The following SHOC2 variants were observed in gnomAD, a reference collection of about 807,000 sequenced individuals.
The protein encoded by SHOC2 is SHOC2 leucine rich repeat scaffold protein.
SHOC2 carries 4 observed loss-of-function variants against 50.2 expected under a neutral mutation model. That is an observed-to-expected ratio of 0.08 (90% CI 0.04 to 0.18). The LOEUF is 0.18. Among genes scored for constraint, SHOC2 ranks in the 10% least tolerant of loss-of-function variants. The pLI, the probability that SHOC2 is intolerant of heterozygous loss-of-function variation, is 1.00. For synonymous variants in SHOC2, 218 were observed against 244.5 expected (o/e 0.89, Z 1.01); for missense variants, 388 against 669.6 (o/e 0.58, Z 4.64).
intron 2 of SHOC2, among the ~76,000 whole-genome samples, chr10:110,977,747 T>G (rs1847903338): frequency 6.6e-6 from 1 of 152,204 alleles, no homozygotes; most frequent in Non-Finnish European, 1.5e-5. Context: ...TACATCTAAT[T>G]TAACCCCACT....
intron 3 of SHOC2, among the ~76,000 whole-genome samples, chr10:110,992,875 C>G (rs781720037): frequency 8.5e-5 from 13 of 152,096 alleles, no homozygotes; most frequent in Non-Finnish European, 1.8e-4. Context: ...ACATTTCATC[C>G]TTCCAACCCT....
chr10:110,980,643 C>T (rs1280393690), intron 2 of SHOC2, among the ~76,000 whole-genome samples: 1 of 152,138 alleles, frequency 6.6e-6, no homozygotes, highest in Non-Finnish European at 1.5e-5. Context: ...TGGTTTGCTT[C>T]AAAACTTTAA....
intron 2 of SHOC2, among the ~76,000 whole-genome samples, chr10:110,974,066 C>T (rs745982821): frequency 4.0e-5 from 6 of 151,718 alleles, no homozygotes; most frequent in South Asian, 2.1e-4. Context: ...GGGTTTAATA[C>T]GCTTTTCTTT....
At position 110,952,775 on chromosome 10, in the gene SHOC2, A is replaced by G. The variant is rs564409636; in HGVS notation, c.-234-11350A>G. ...TTCCCCTCCGTGTCCATGGGTTCTC[A>G]TTGTTCAATTCCCACTTATGAGTGA... On this transcript the variant is annotated intron_variant, in intron 1 of 8. Transcript: ENST00000369452. Among the ~76,000 whole-genome samples the G allele has an allele frequency of 3.3e-5, 5 of 152,090 alleles. No individual in the cohort carries two copies. The South Asian group carries it at 1.0e-3, about 32-fold the overall frequency.
chr10:110,938,537 C>T (rs1847075273), intron 1 of SHOC2, among the ~76,000 whole-genome samples: 1 of 152,028 alleles, frequency 6.6e-6, no homozygotes, highest in Non-Finnish European at 1.5e-5. Context: ...AATAAGTGTA[C>T]TTTGAGCAGT....
intron 1 of SHOC2, among the ~76,000 whole-genome samples, chr10:110,960,868 C>A (rs555366553): frequency 6.6e-6 from 1 of 151,766 alleles, no homozygotes; most frequent in Admixed American, 6.6e-5. Flanking sequence ...GTAGAGATGG[C>A]GTTTCACCAT....
chr10:110,987,968 A>G (rs1392901720), intron 3 of SHOC2, among the ~76,000 whole-genome samples: 1 of 152,160 alleles, frequency 6.6e-6, no homozygotes, highest in African/African-American at 2.4e-5. Flanking sequence ...GTGAAAAGTT[A>G]AAAAGTCATG....
chr10:110,919,707 G>A (rs1035504339), intron 1 of SHOC2, 50 bp downstream of exon 1: 9 of 397,686 alleles, frequency 2.3e-5, no homozygotes, highest in Non-Finnish European at 3.5e-5. Flanking sequence ...GGTTCTTCCT[G>A]CCTGCCTTCC....
intron 1 of SHOC2, among the ~76,000 whole-genome samples, chr10:110,948,713 C>G (rs768722089): frequency 6.6e-6 from 1 of 152,068 alleles, no homozygotes; most frequent in Non-Finnish European, 1.5e-5. Context: ...GCAAAACTTA[C>G]GTGAAGCAGC....
At chr10:111,011,244 A>G (rs1198695477) in intron 8 of SHOC2, among the ~76,000 whole-genome samples, 1 of 152,198 alleles carries the variant, frequency 6.6e-6, no homozygotes, top group Non-Finnish European at 1.5e-5. Flanking sequence ...TCACCTTTGG[A>G]GTTTTAAAAT....
At chr10:110,978,163 T>G (rs1221487800) in intron 2 of SHOC2, among the ~76,000 whole-genome samples, 2 of 152,246 alleles carry the variant, frequency 1.3e-5, no homozygotes, top group Admixed American at 1.3e-4. Flanking sequence ...ATCATGGGAC[T>G]TCTGTTGTTT....
intron 4 of SHOC2, among the ~76,000 whole-genome samples, chr10:111,003,927 T>C (rs965226730): frequency 1.3e-5 from 2 of 152,208 alleles, no homozygotes; most frequent in Non-Finnish European, 2.9e-5. Context: ...GCAGAGATTC[T>C]TTGGTAATAC....
chr10:110,962,873 A>G (rs1847598301), intron 1 of SHOC2, among the ~76,000 whole-genome samples: 1 of 152,214 alleles, frequency 6.6e-6, no homozygotes. Flanking sequence ...GCTATAGCAT[A>G]TGCCACTTGC....
intron 2 of SHOC2, among the ~76,000 whole-genome samples, chr10:110,970,550 A>C (rs1398478006): frequency 6.6e-6 from 1 of 152,122 alleles, no homozygotes; most frequent in African/African-American, 2.4e-5. Flanking sequence ...ATATATACCC[A>C]GTAGTCAGAT....
rs976782975 is a variant in SHOC2, at chr10:110,927,500, G to C, written c.-235+7843G>C. Among the ~76,000 whole-genome samples the C allele has an allele frequency of 6.4e-4, 98 of 152,246 alleles. 1 individual carries two copies. Among genetic ancestry groups the C allele is most frequent in the African/African-American group, 2.4e-3 (98 of 41,538 alleles). ...TAGTAAGGTTTTATGATTTAATCTT[G>C]AAGACATTTATTTCTGTACTTTGGA... On this transcript the variant is annotated intron_variant, in intron 1 of 8. Coordinates refer to ENST00000369452, the MANE Select transcript of SHOC2 (RefSeq NM_007373.4).
At chr10:110,919,475 G>A (rs1846553348), upstream of SHOC2, 4 of 393,068 alleles carry the variant, frequency 1.0e-5, no homozygotes, top group Non-Finnish European at 1.8e-5. Flanking sequence ...GCGAGTGACG[G>A]GCCCACGGCA....
chr10:110,976,485 A>G (rs1039479633), intron 2 of SHOC2, among the ~76,000 whole-genome samples: 5 of 151,384 alleles, frequency 3.3e-5, no homozygotes, highest in Admixed American at 6.6e-5. Flanking sequence ...TAGTTTTTGT[A>G]TCTTTTGTAG....
At chr10:110,927,472 A>T (rs1017948702) in intron 1 of SHOC2, among the ~76,000 whole-genome samples, 10 of 152,192 alleles carry the variant, frequency 6.6e-5, no homozygotes, top group African/African-American at 2.4e-4. Context: ...AGGCAGCTTA[A>T]AATAGTAAGG....
In SHOC2 at chr10:110,991,154, A is replaced by G. The variant is rs188758112; in HGVS notation, c.841+5389A>G. On this transcript the variant is annotated intron_variant, in intron 3 of 8. Transcript: ENST00000369452. The stretch of plus-strand genomic sequence containing the variant: ...TTTTTATATATGTGTCTGTATCTCA[A>G]ACTTGTTAAATAACAGTCAAAGGGG... 1.6e-3 allele frequency among the ~76,000 whole-genome samples: 248 copies of G among 152,290 alleles called. 1 individual carries two copies. The highest frequency in any genetic ancestry group is 2.3e-3 in the Non-Finnish European group (157 of 68,016).
Sources: allele counts gnomAD v4.1 joint callset (sites outside exome capture counted in the v4.1 genomes callset), GRCh38; gene constraint gnomAD v4.1.1; transcripts MANE v1.5; gene names NCBI Gene and HGNC (gene_info 2026-07-23, HGNC 2026-07-21).